Variants in TRIM68 observed in about 807,000 individuals in gnomAD.
TRIM68 encodes the protein E3 ubiquitin-protein ligase TRIM68.
In TRIM68, 36 loss-of-function variants were observed where a neutral mutation model predicts 41.9. That is an observed-to-expected ratio of 0.86 (90% CI 0.66 to 1.14). TRIM68 has a LOEUF of 1.14. Ranked by LOEUF, TRIM68 falls within the 50% of genes most tolerant of loss-of-function variation. The pLI is 0.00. For missense variants in TRIM68, 632 were observed against 605.1 expected (o/e 1.04, Z -0.47); for synonymous variants, 225 against 224.6 (o/e 1.00, Z -0.02).
At position 4,600,070 on chromosome 11, in the gene TRIM68, C is replaced by T; in HGVS notation, c.*206G>A. The T allele has an allele frequency of 3.8e-6, 2 of 530,408 alleles. No homozygotes were observed. Among genetic ancestry groups the T allele is most frequent in the Non-Finnish European group, 6.5e-6 (2 of 305,444 alleles). 32.9% of individuals were successfully genotyped at this position (530,408 alleles called of 1,614,324 possible). ...CGTGCTTCCCTCATGGGATGCAATG[C>T]TCATTTGACTGGGCCTCTGCTTTTT... On this transcript the variant is annotated 3_prime_UTR_variant, in exon 7 of 7. Transcript: ENST00000300747.
At position 4,600,379 on chromosome 11, in the gene TRIM68, T is replaced by C. The variant is rs1364931537; in HGVS notation, c.1355A>G (p.Tyr452Cys). ...GGGCAGGAGGCGCCCAGGGAAGGGATAGCGGGGGAAAGTGAAGATGTGGGA... is the reference window on the plus strand; with the variant it reads ...GGGCAGGAGGCGCCCAGGGAAGGGACAGCGGGGGAAAGTGAAGATGTGGGA... ...CGSHIFTFPR[Y>C]PFPGRLLPYF... The change falls in exon 7 of 7, where the codon TAT (tyrosine) becomes TGT (cysteine). Residue 452 changes from tyrosine to cysteine, a missense_variant. Physicochemically the swap from Tyr to Cys is radical, Grantham distance 194 (BLOSUM62 -2). Coordinates refer to ENST00000300747, the MANE Select transcript of TRIM68 (RefSeq NM_018073.8). 3.7e-6 allele frequency: 6 copies of C among 1,613,834 alleles called. No individual in the cohort carries two copies. The highest frequency in any genetic ancestry group is 1.3e-5 in the African/African-American group (1 of 74,882).
intron 4 of TRIM68, chr11:4,601,928 G>A (rs1335827191): frequency 2.3e-5 from 18 of 776,050 alleles, no homozygotes; most frequent in Non-Finnish European, 2.9e-5. Context: ...CTGGAATGAC[G>A]CCAGAGCTGC....
chr11:4,605,136 G>C lies in TRIM68; in HGVS notation c.369C>G (p.Ser123=). The change falls in exon 2 of 7, where the codon TCC becomes TCG. Residue 123 remains serine (S), a synonymous_variant. Transcript: ENST00000300747. ...CAACACTGTGGGCCTCATGCTCTGG[G>C]GACTGGCTGCAGGCCTCACACATTA... ...VLIMCEACSQ[S]PEHEAHSVVP... The C allele has an allele frequency of 6.2e-7, 1 of 1,614,184 alleles. No individual in the cohort carries two copies. The highest frequency in any genetic ancestry group is 2.2e-5 in the East Asian group (1 of 44,888).
chr11:4,602,735 A>G (rs141909760), intron 3 of TRIM68, among the ~76,000 whole-genome samples: 30 of 152,220 alleles, frequency 2.0e-4, no homozygotes, highest in Middle Eastern at 3.4e-3. Flanking sequence ...ACTTAACTAC[A>G]CTGTTAGGTG....
chr11:4,601,341 T>C (rs750807307), intron 5 of TRIM68: 6 of 598,338 alleles, frequency 1.0e-5, no homozygotes, highest in Non-Finnish European at 1.8e-5. Context: ...TGGATGTATA[T>C]TTGATTCTGG....
Position 4,600,286 on chromosome 11 carries a change from C to T in TRIM68, c.1448G>A (p.Gly483Glu). 3.2e-6 allele frequency: 5 copies of T among 1,575,928 alleles called. No individual in the cohort carries two copies. The highest frequency in any genetic ancestry group is 4.3e-6 in the Non-Finnish European group (5 of 1,160,848). The change falls in exon 7 of 7, where the codon GGG becomes GAG. Residue 483 changes from glycine to glutamate, a missense_variant. Coordinates refer to ENST00000300747, the MANE Select transcript of TRIM68 (RefSeq NM_018073.8). ...TAPLAICSLD[G>E]ED ...AGGGTGGTAGCTTTCTTAGTCCTCC[C>T]CATCCAGGGAGCAGATGGCCAGAGG...
intron 4 of TRIM68, chr11:4,601,944 C>T: frequency 1.3e-6 from 1 of 795,542 alleles, no homozygotes; most frequent in Non-Finnish European, 2.0e-6. Flanking sequence ...GCTGCCTGAG[C>T]ACTGCCCCAC....
At position 4,605,301 on chromosome 11, in the gene TRIM68, G is replaced by C; in HGVS notation, c.204C>G (p.Asn68Lys). The change falls in exon 2 of 7, where the codon AAC becomes AAG. Residue 68 changes from asparagine (N) to lysine (K), a missense_variant. Transcript: ENST00000300747. ...TGGCCAGCTGCCAATTAGGCCGCAG[G>C]TTCCTTGGCTGGACAGGAGCTCGAC... ...PLCRAPVQPR[N>K]LRPNWQLANV... The C allele has an allele frequency of 1.2e-6, 2 of 1,614,264 alleles. No individual in the cohort carries two copies. Among genetic ancestry groups the C allele is most frequent in the Non-Finnish European group, 8.5e-7 (1 of 1,180,050 alleles).
chr11:4,606,033 C>G (rs1437005734), intron 1 of TRIM68, among the ~76,000 whole-genome samples: 1 of 152,200 alleles, frequency 6.6e-6, no homozygotes, highest in African/African-American at 2.4e-5. Context: ...ATGCCAGAAG[C>G]CCATTGCCTA....
At position 4,605,226 on chromosome 11, in the gene TRIM68, C is replaced by T. The variant is rs774939517; in HGVS notation, c.279G>A (p.Leu93=). The T allele has an allele frequency of 6.2e-7, 1 of 1,614,280 alleles. No individual in the cohort carries two copies. The change falls in exon 2 of 7, where the codon CTG becomes CTA. Residue 93 remains leucine, a synonymous_variant. Transcript: ENST00000300747. ...CATGGCGCTCACACAGGTCACCCTTCAGCCCCATTCCTGGATGTAGCCTTA... is the reference window on the plus strand; with the variant it reads ...CATGGCGCTCACACAGGTCACCCTTTAGCCCCATTCCTGGATGTAGCCTTA... ...RLLRLHPGMG[L]KGDLCERHGE...
chr11:4,602,296 C>T lies in TRIM68; in HGVS notation c.639G>A (p.Leu213=). The part of the protein sequence containing the change: ...RQLGAEVAAA[L]ASLQREAAET... ...CCGCTGCCTCCCGCTGTAGGCTGGC[C>T]AGAGCTGCTGCTACCTCTGCCCCCA... The change falls in exon 4 of 7, where the codon CTG becomes CTA. Residue 213 remains leucine (L), a synonymous_variant. Transcript: ENST00000300747. 1.2e-6 allele frequency: 2 copies of T among 1,614,182 alleles called. No individual in the cohort carries two copies. Among genetic ancestry groups the T allele is most frequent in the Non-Finnish European group, 1.7e-6 (2 of 1,180,034 alleles).
Position 4,600,412 on chromosome 11 carries a change from T to C in TRIM68, c.1322A>G (p.Asp441Gly). ...GAAAGTGAAGATGTGGGAGCCACAG[T>C]CAGTCACATTGTAGAAAGAAATGTC... ...AHDISFYNVTDCGSHIFTFPR... is the reference protein window; with the variant it reads ...AHDISFYNVTGCGSHIFTFPR... Residue 441 changes from aspartate to glycine, a missense_variant, in exon 7 of 7, where the codon GAC (aspartate) becomes GGC (glycine). Asp to Gly is a moderately conservative substitution (Grantham distance 94). Coordinates refer to ENST00000300747, the MANE Select transcript of TRIM68 (RefSeq NM_018073.8). 9.3e-6 allele frequency: 15 copies of C among 1,614,036 alleles called. No homozygotes were observed. Among genetic ancestry groups the C allele is most frequent in the Non-Finnish European group, 1.1e-5 (13 of 1,179,982 alleles).
intron 2 of TRIM68, 106 bp downstream of exon 2, chr11:4,604,973 A>G: frequency 1.6e-6 from 2 of 1,280,242 alleles, no homozygotes; most frequent in Middle Eastern, 2.4e-4. Flanking sequence ...GTCAGGAACC[A>G]AAGGAGTTAG....
chr11:4,600,716 T>G lies in TRIM68; in HGVS notation c.1018A>C (p.Arg340=). ...TNQKLPDNPE[R]FYRYNIVLGS... Reference sequence around the variant, plus strand: ...AGGACGATATTATAGCGGTAAAATCTCTCAGGATTGTCTGGCAGTTTCTGG... The same window carrying G: ...AGGACGATATTATAGCGGTAAAATCGCTCAGGATTGTCTGGCAGTTTCTGG... Residue 340 remains arginine (R), a synonymous_variant, in exon 7 of 7, where the codon AGA becomes CGA. Transcript: ENST00000300747. 6.2e-7 allele frequency: 1 copy of G among 1,614,156 alleles called. No individual in the cohort carries two copies. Among genetic ancestry groups the G allele is most frequent in the Non-Finnish European group, 8.5e-7 (1 of 1,180,034 alleles).
rs1846452048 is a variant in TRIM68, at chr11:4,599,812, T to A, written c.*464A>T. 1 of 154,028 alleles carries A rather than the reference T, an allele frequency of 6.5e-6. No individual in the cohort carries two copies. 9.5% of individuals were successfully genotyped at this position (154,028 alleles called of 1,614,324 possible). A position where few individuals can be genotyped will look rare whatever the true frequency, so the allele number is the denominator to read the frequency against. ...AACCTCAGGGGAAGCATCCTCTGAC[T>A]GGCCTCAGCACAACAACCAGCTCTG... On this transcript the variant is annotated 3_prime_UTR_variant, in exon 7 of 7. Transcript: ENST00000300747.
In TRIM68 at chr11:4,603,349, G is replaced by T; in HGVS notation, c.427-9C>A. Reference sequence around the variant, plus strand: ...GCCTCATGAAGTTCCCACTGCAAGAGACAAAACCCTCATGAGGCCACCTCC... The same window carrying T: ...GCCTCATGAAGTTCCCACTGCAAGATACAAAACCCTCATGAGGCCACCTCC... On this transcript the variant is annotated splice_polypyrimidine_tract_variant and intron_variant, in intron 2 of 6. Coordinates refer to ENST00000300747, the MANE Select transcript of TRIM68 (RefSeq NM_018073.8). The T allele has an allele frequency of 6.2e-7, 1 of 1,613,914 alleles. No homozygotes were observed. The highest frequency in any genetic ancestry group is 8.5e-7 in the Non-Finnish European group (1 of 1,179,902).
At chr11:4,605,583 C>T (rs2133201507) in intron 1 of TRIM68, 22 bp from the exon 2 acceptor site, 7 of 1,371,630 alleles carry the variant, frequency 5.1e-6, no homozygotes, top group Non-Finnish European at 6.9e-6. Context: ...AAAAGAAAGA[C>T]AAATAAGAGA....
At chr11:4,604,325 G>C (rs1418889945) in intron 2 of TRIM68, among the ~76,000 whole-genome samples, 1 of 152,198 alleles carries the variant, frequency 6.6e-6, no homozygotes, top group Non-Finnish European at 1.5e-5. Context: ...TAATGGTTCC[G>C]ATAAAGATGT....
intron 4 of TRIM68, 142 bp downstream of exon 4, chr11:4,602,010 G>A (rs1358965848): frequency 5.7e-6 from 7 of 1,237,040 alleles, no homozygotes; most frequent in Non-Finnish European, 8.0e-6. Flanking sequence ...GAAACAGCAG[G>A]TATTAGCTGG....
Sources: allele counts gnomAD v4.1 joint callset (sites outside exome capture counted in the v4.1 genomes callset), GRCh38; gene constraint gnomAD v4.1.1; transcripts MANE v1.5; gene names NCBI Gene and HGNC (gene_info 2026-07-23, HGNC 2026-07-21).